Variants in SEMA3A observed in about 807,000 individuals in gnomAD.
SEMA3A encodes the protein semaphorin 3A.
Under a neutral mutation model 97.9 loss-of-function variants are expected in SEMA3A, and 29 were observed. The observed-to-expected ratio is 0.30, with a 90% confidence interval of 0.22 to 0.40. The LOEUF is 0.40. Among genes scored for constraint, SEMA3A ranks in the 10% least tolerant of loss-of-function variants. The probability of loss-of-function intolerance (pLI) is 1.00; values close to 1 mark genes in which losing one functional copy is unlikely to be tolerated. For synonymous variants in SEMA3A, 321 were observed against 323.7 expected, an observed-to-expected ratio of 0.99 and a Z score of 0.09; for missense variants, 763 against 951.3, an observed-to-expected ratio of 0.80 and a Z score of 2.60.
rs200724606 is a variant in SEMA3A at position 84,002,050 on chromosome 7, T to C, written c.1361-4A>G. ...ACTTTAAGAACGGTCCCAACATCTT[T>C]GAAAGAAAGTGGGGAGAAGACCACA... On this transcript the variant is annotated splice_region_variant and splice_polypyrimidine_tract_variant and intron_variant, in intron 11 of 16. Coordinates refer to ENST00000265362, the MANE Select transcript of SEMA3A (RefSeq NM_006080.3). 9.2e-4 allele frequency: 1,443 copies of C among 1,573,392 alleles called. 9 individuals carry two copies. The highest frequency in any genetic ancestry group is 3.8e-4 in the Non-Finnish European group (438 of 1,145,444).
At chr7:84,444,370 C>A (rs1805351851) in intron 1 of SEMA3A, among the ~76,000 whole-genome samples, 1 of 152,064 alleles carries the variant, frequency 6.6e-6, no homozygotes, top group African/African-American at 2.4e-5. Flanking sequence ...AAGTGCTCAA[C>A]TTTAATTTTT....
At chr7:84,418,533 G>A (rs1049740656) in intron 1 of SEMA3A, among the ~76,000 whole-genome samples, 1 of 152,022 alleles carries the variant, frequency 6.6e-6, no homozygotes, top group Non-Finnish European at 1.5e-5. Flanking sequence ...ATGTGGGTGG[G>A]CACCCTCCAA....
chr7:83,966,647 G>A (rs1788703386), intron 15 of SEMA3A, among the ~76,000 whole-genome samples: 1 of 152,100 alleles, frequency 6.6e-6, no homozygotes, highest in South Asian at 2.1e-4. Flanking sequence ...TTTGGTTTAA[G>A]ATTCTCCTAT....
intron 1 of SEMA3A, among the ~76,000 whole-genome samples, chr7:84,424,537 TAAATATTAATATATATTA>T (rs1804703802): frequency 5.3e-5 from 5 of 94,224 alleles, no homozygotes; most frequent in Admixed American, 3.7e-4. Context: ...ATATAATATA[TAAATATTAATATATATTA>T]TATATAATAT....
chr7:84,420,728 G>GT lies in SEMA3A; in HGVS notation c.-245-48829dup, dbSNP rs1256459533. Among the ~76,000 whole-genome samples the GT allele has an allele frequency of 5.9e-5, 9 of 152,196 alleles. No individual in the cohort carries two copies. In the East Asian group the frequency reaches 1.7e-3, roughly 29 times the overall value. On this transcript the variant is annotated intron_variant, in intron 1 of 3. Coordinates refer to the SEMA3A transcript ENST00000424555. ...GATTTAAAGTCTTGGGAGGGTGTATGTGTCCAGGAATTTATTCATTTCTTC... is the reference window on the plus strand; with the variant it reads ...GATTTAAAGTCTTGGGAGGGTGTATGTTGTCCAGGAATTTATTCATTTCTTC...
chr7:84,214,229 T>C (rs1196597537), intron 3 of SEMA3A, among the ~76,000 whole-genome samples: 1 of 152,178 alleles, frequency 6.6e-6, no homozygotes, highest in Non-Finnish European at 1.5e-5. Context: ...AAACTAAGCC[T>C]GGGCAAATTA....
chr7:84,239,378 T>A (rs10265795), intron 3 of SEMA3A, among the ~76,000 whole-genome samples: 95,664 of 152,038 alleles, frequency 0.63, 30,515 homozygotes, highest in African/African-American at 0.73. Context: ...TTGTACTCAC[T>A]AAATACTCTG....
intron 2 of SEMA3A, among the ~76,000 whole-genome samples, chr7:84,335,454 G>A (rs1456019950): frequency 2.0e-5 from 3 of 152,264 alleles, no homozygotes; most frequent in South Asian, 4.1e-4. Context: ...AAGAAATTGT[G>A]ATGGGTGTGT....
chr7:84,441,018 C>T (rs2715047), intron 1 of SEMA3A, among the ~76,000 whole-genome samples: 21,559 of 151,746 alleles, frequency 0.14, 3,130 homozygotes, highest in African/African-American at 0.36. Context: ...ATTATCCGGG[C>T]GTCGGGGCGC....
intron 1 of SEMA3A, among the ~76,000 whole-genome samples, chr7:84,451,449 T>C (rs1805551483): frequency 6.6e-6 from 1 of 152,148 alleles, no homozygotes; most frequent in South Asian, 2.1e-4. Flanking sequence ...ATTAAAGATG[T>C]TTATAGCCCT....
chr7:84,323,730 C>T (rs1370296875), intron 2 of SEMA3A, among the ~76,000 whole-genome samples: 1 of 152,072 alleles, frequency 6.6e-6, no homozygotes, highest in Non-Finnish European at 1.5e-5. Context: ...AGATGTGCGC[C>T]TTAGTCATGC....
intron 6 of SEMA3A, among the ~76,000 whole-genome samples, chr7:84,030,212 T>C (rs1791691957): frequency 1.3e-5 from 2 of 152,162 alleles, no homozygotes; most frequent in African/African-American, 4.8e-5. Flanking sequence ...TGCTCTGTGA[T>C]AGCAAGTAAT....
chr7:84,353,266 A>G (rs1802477699), intron 2 of SEMA3A, among the ~76,000 whole-genome samples: 1 of 151,802 alleles, frequency 6.6e-6, no homozygotes, highest in South Asian at 2.1e-4. Flanking sequence ...GGTTGAATCC[A>G]TGGATGCAGA....
intron 12 of SEMA3A, among the ~76,000 whole-genome samples, chr7:83,990,179 T>C (rs868051070): frequency 6.6e-6 from 1 of 151,840 alleles, no homozygotes; most frequent in African/African-American, 2.4e-5. Context: ...GTTTTTTTCT[T>C]GTAAATTTGT....
intron 2 of SEMA3A, among the ~76,000 whole-genome samples, chr7:84,365,934 A>G (rs951512046): frequency 1.3e-5 from 2 of 151,378 alleles, no homozygotes; most frequent in Admixed American, 1.3e-4. Context: ...TTATATCATA[A>G]TTTACATTTG....
chr7:84,070,919 C>G (rs1314842236), intron 4 of SEMA3A, among the ~76,000 whole-genome samples: 1 of 151,988 alleles, frequency 6.6e-6, no homozygotes, highest in Non-Finnish European at 1.5e-5. Flanking sequence ...CTTGAATTAA[C>G]AATAGTATAC....
chr7:84,432,860 A>ATT (rs34970127), intron 1 of SEMA3A, among the ~76,000 whole-genome samples: 2,148 of 138,896 alleles, frequency 0.015, 28 homozygotes, highest in African/African-American at 0.024. Context: ...ACAAATGTGA[A>ATT]TTTTTTTTTT....
At chr7:84,266,452 T>A (rs933629901) in intron 3 of SEMA3A, among the ~76,000 whole-genome samples, 1 of 152,018 alleles carries the variant, frequency 6.6e-6, no homozygotes, top group Non-Finnish European at 1.5e-5. Flanking sequence ...CAGGCTTTTT[T>A]GTGGGTCTCT....
chr7:84,444,623 G>A (rs184550924), intron 1 of SEMA3A, among the ~76,000 whole-genome samples: 6 of 148,204 alleles, frequency 4.0e-5, no homozygotes, highest in East Asian at 4.0e-4. Flanking sequence ...GTACAGTGAC[G>A]CGATCTCGGC....
Sources: allele counts gnomAD v4.1 joint callset (sites outside exome capture counted in the v4.1 genomes callset), GRCh38; gene constraint gnomAD v4.1.1; transcripts MANE v1.5; gene names NCBI Gene and HGNC (gene_info 2026-07-23, HGNC 2026-07-21).